Variants in RBFOX1 observed in about 807,000 individuals in gnomAD.
RBFOX1 encodes RNA binding fox-1 homolog 1.
In RBFOX1, 8 loss-of-function variants were observed where a neutral mutation model predicts 57.7. That is an observed-to-expected ratio of 0.14 (90% CI 0.08 to 0.25). The LOEUF is 0.25. Among genes scored for constraint, RBFOX1 ranks in the 10% least tolerant of loss-of-function variants. The pLI is 1.00. For synonymous variants in RBFOX1, 326 were observed against 222.4 expected (o/e 1.47, Z -4.15); for missense variants, 611 against 548.5 (o/e 1.11, Z -1.14).
intron 3 of RBFOX1, among the ~76,000 whole-genome samples, chr16:6,863,707 A>C (rs1168141440): frequency 1.7e-5 from 2 of 118,324 alleles, no homozygotes; most frequent in African/African-American, 3.4e-5. Flanking sequence ...GACCGGAAGC[A>C]CAAATTGGAT....
rs183198794 is a variant in RBFOX1 at position 5,836,202 on chromosome 16, G to T, written c.319-31101G>T. ...GGGGACATGGGCTCTGCAGCTGGGG[G>T]GTGAGGCTGGGCCCAGGGGAGCCCA... On this transcript the variant is annotated intron_variant, in intron 3 of 19. Coordinates refer to the RBFOX1 transcript ENST00000641259. Among the ~76,000 whole-genome samples, 27 of 152,268 alleles carry T rather than the reference G, an allele frequency of 1.8e-4. No homozygotes were observed. In the East Asian group the frequency reaches 5.2e-3, roughly 30 times the overall value.
intron 3 of RBFOX1, among the ~76,000 whole-genome samples, chr16:5,839,639 C>G (rs534802114): frequency 6.6e-6 from 1 of 152,262 alleles, no homozygotes; most frequent in South Asian, 2.1e-4. Context: ...GGGACTAGTT[C>G]AACAGCATCA....
intron 4 of RBFOX1, among the ~76,000 whole-genome samples, chr16:7,279,059 T>C (rs2095493728): frequency 6.6e-6 from 1 of 152,152 alleles, no homozygotes; most frequent in East Asian, 1.9e-4. Flanking sequence ...TTTTATCTAA[T>C]TCTAAAAGTG....
intron 2 of RBFOX1, among the ~76,000 whole-genome samples, chr16:6,541,772 A>T (rs1019578472): frequency 6.6e-6 from 1 of 152,172 alleles, no homozygotes; most frequent in African/African-American, 2.4e-5. Context: ...GATACTGGAC[A>T]TAAATATGAG....
At chr16:7,132,813 GA>G (rs915336834) in intron 4 of RBFOX1, among the ~76,000 whole-genome samples, 6 of 150,474 alleles carry the variant, frequency 4.0e-5, no homozygotes, top group Admixed American at 2.0e-4. Context: ...TATCAAAATT[GA>G]AAAAAAAAGA....
intron 4 of RBFOX1, among the ~76,000 whole-genome samples, chr16:7,153,014 A>T (rs1293432170): frequency 6.6e-6 from 1 of 152,142 alleles, no homozygotes; most frequent in East Asian, 1.9e-4. Context: ...TTCATTTGTG[A>T]TTCTAATATA....
intron 3 of RBFOX1, among the ~76,000 whole-genome samples, chr16:6,828,029 C>G (rs1286347771): frequency 1.3e-5 from 2 of 152,186 alleles, no homozygotes. Flanking sequence ...GAGCTCAATA[C>G]TGGCACTGGT....
chr16:6,816,308 C>G (rs1179519300), intron 3 of RBFOX1, among the ~76,000 whole-genome samples: 3 of 152,222 alleles, frequency 2.0e-5, no homozygotes, highest in Admixed American at 6.5e-5. Context: ...GACCTTGTTG[C>G]AATCAATCAT....
chr16:6,311,746 T>G (rs1041220524), intron 1 of RBFOX1, among the ~76,000 whole-genome samples: 3 of 152,308 alleles, frequency 2.0e-5, no homozygotes, highest in Admixed American at 6.5e-5. Flanking sequence ...AGCTTCCTGT[T>G]ATGTGGCTGG....
intron 3 of RBFOX1, among the ~76,000 whole-genome samples, chr16:6,751,873 A>T (rs1441354029): frequency 1.3e-5 from 2 of 152,158 alleles, no homozygotes; most frequent in African/African-American, 2.4e-5. Context: ...TGAATTTTAG[A>T]TGGAGATGCG....
At chr16:5,649,401 C>T (rs2049158437) in intron 3 of RBFOX1, among the ~76,000 whole-genome samples, 1 of 152,092 alleles carries the variant, frequency 6.6e-6, no homozygotes, top group Admixed American at 6.5e-5. Context: ...AACTCCTGAC[C>T]TCAGGTGATC....
At chr16:6,649,203 C>T (rs1487658869) in intron 2 of RBFOX1, among the ~76,000 whole-genome samples, 1 of 152,194 alleles carries the variant, frequency 6.6e-6, no homozygotes, top group Non-Finnish European at 1.5e-5. Context: ...ATTTGTCTTT[C>T]TGTAACTAGC....
At chr16:7,366,869 C>T (rs771101610) in intron 4 of RBFOX1, among the ~76,000 whole-genome samples, 6 of 152,056 alleles carry the variant, frequency 3.9e-5, no homozygotes, top group Admixed American at 6.5e-5. Flanking sequence ...AAGAAGAAAG[C>T]GCATAGAGCT....
intron 2 of RBFOX1, among the ~76,000 whole-genome samples, chr16:5,586,900 C>T (rs117910704): frequency 0.015 from 2,316 of 152,288 alleles, 16 homozygotes; most frequent in Middle Eastern, 0.037. Flanking sequence ...CTCTTAGCTG[C>T]TCTGTTCTGC....
intron 1 of RBFOX1, among the ~76,000 whole-genome samples, chr16:6,166,957 T>C (rs1597984043): frequency 2.0e-5 from 3 of 152,100 alleles, no homozygotes; most frequent in Admixed American, 2.0e-4. Flanking sequence ...TTATTTTTAA[T>C]AGAGTCGGGG....
At chr16:5,339,115 C>T (rs1428791204) in intron 1 of RBFOX1, among the ~76,000 whole-genome samples, 1 of 152,094 alleles carries the variant, frequency 6.6e-6, no homozygotes, top group African/African-American at 2.4e-5. Context: ...ACTCATTCCT[C>T]CTGTATAGCT....
At chr16:6,853,523 G>C (rs1033293452) in intron 3 of RBFOX1, among the ~76,000 whole-genome samples, 3 of 152,098 alleles carry the variant, frequency 2.0e-5, no homozygotes, top group African/African-American at 7.2e-5. Context: ...TTGGGACTCT[G>C]ACAGTGGTAG....
At chr16:5,847,667 G>T (rs1173169876) in intron 3 of RBFOX1, among the ~76,000 whole-genome samples, 1 of 152,074 alleles carries the variant, frequency 6.6e-6, no homozygotes, top group Non-Finnish European at 1.5e-5. Context: ...TGGCCCTCCG[G>T]AGGCTGACTG....
intron 2 of RBFOX1, among the ~76,000 whole-genome samples, chr16:6,609,491 A>G (rs1319424058): frequency 2.6e-5 from 4 of 152,072 alleles, no homozygotes; most frequent in African/African-American, 2.4e-5. Context: ...CAACAGGTGC[A>G]TGCCACCACA....
Sources: allele counts gnomAD v4.1 joint callset (sites outside exome capture counted in the v4.1 genomes callset), GRCh38; gene constraint gnomAD v4.1.1; transcripts MANE v1.5; gene names NCBI Gene and HGNC (gene_info 2026-07-23, HGNC 2026-07-21).